Variants in DTL observed in about 807,000 individuals in gnomAD.
The protein encoded by DTL is denticleless protein homolog.
Under a neutral mutation model 87.0 loss-of-function variants are expected in DTL, and 46 were observed. The observed-to-expected ratio is 0.53, with a 90% CI of 0.42 to 0.68. DTL has a LOEUF of 0.68. Ranked by LOEUF, DTL falls within the 30% of genes least tolerant of loss-of-function variation. The pLI is 0.00. For synonymous variants in DTL, 308 were observed against 311.2 expected (o/e 0.99, Z 0.11); for missense variants, 737 against 869.4 (o/e 0.85, Z 1.91).
chr1:212,077,708 G>T (rs1291921000), intron 11 of DTL: 1 of 153,708 alleles, frequency 6.5e-6, no homozygotes, highest in Admixed American at 6.5e-5. Context: ...AAATCTTCAG[G>T]TTTCACAGTT....
At chr1:212,088,882 T>C (rs970758470) in intron 13 of DTL, among the ~76,000 whole-genome samples, 1 of 152,024 alleles carries the variant, frequency 6.6e-6, no homozygotes, top group African/African-American at 2.4e-5. Context: ...AGGTCAGGAG[T>C]TCGGGACTAG....
At chr1:212,089,991 A>G (rs1655237136) in intron 13 of DTL, among the ~76,000 whole-genome samples, 1 of 152,170 alleles carries the variant, frequency 6.6e-6, no homozygotes, top group Non-Finnish European at 1.5e-5. Flanking sequence ...TGCAGTGACT[A>G]TTAACCTGCA....
At position 212,035,807 on chromosome 1, in the gene DTL, T is replaced by A; in HGVS notation, c.-84T>A. ...TTGGAGGCGATAACGATTTGTGTTG[T>A]GAGAGGCGCAAGCTGCGATTTCTGC... On this transcript the variant is annotated 5_prime_UTR_variant, in exon 1 of 15. Transcript: ENST00000366991. The A allele has an allele frequency of 7.3e-7, 1 of 1,362,392 alleles. No homozygotes were observed. Among genetic ancestry groups the A allele is most frequent in the Non-Finnish European group, 1.0e-6 (1 of 962,512 alleles). 84.4% of individuals were successfully genotyped at this position (1,362,392 alleles called of 1,614,324 possible). A position where few individuals can be genotyped will look rare whatever the true frequency, so the allele number is the denominator to read the frequency against.
intron 13 of DTL, among the ~76,000 whole-genome samples, chr1:212,085,806 G>A (rs369994758): frequency 2.0e-5 from 3 of 152,096 alleles, no homozygotes; most frequent in African/African-American, 7.2e-5. Context: ...TTGTGTTATG[G>A]TGTGAGTTAG....
intron 5 of DTL, among the ~76,000 whole-genome samples, chr1:212,053,695 C>G (rs1365638123): frequency 6.6e-6 from 1 of 152,146 alleles, no homozygotes; most frequent in African/African-American, 2.4e-5. Context: ...AAGTGATCCT[C>G]CCACCTCAGC....
intron 5 of DTL, among the ~76,000 whole-genome samples, chr1:212,050,535 TA>T (rs34475155): frequency 0.01 from 1,563 of 152,352 alleles, 11 homozygotes; most frequent in Middle Eastern, 0.02. Flanking sequence ...TCTCAAGTTT[TA>T]ATTAAATGAG....
rs775525683 is a variant in DTL at position 212,100,834 on chromosome 1, G to A, written c.1844G>A (p.Gly615Asp). Residue 615 changes from glycine (G) to aspartate (D), a missense_variant, in exon 14 of 15, where the codon GGT (glycine) becomes GAT (aspartate). Gly to Asp is a moderately conservative substitution (Grantham distance 94). Transcript: ENST00000366991. Reference sequence around the variant, plus strand: ...AAATCAAGCAAAATTGAAGGAGCTGGTACCAGTATCTCAGAGCCTCCGTCT... The same window carrying A: ...AAATCAAGCAAAATTGAAGGAGCTGATACCAGTATCTCAGAGCCTCCGTCT... Reference protein sequence around the residue: ...PTKSSKIEGAGTSISEPPSPI... With the variant: ...PTKSSKIEGADTSISEPPSPI... 8 of 1,614,006 alleles carry A rather than the reference G, an allele frequency of 5.0e-6. No homozygotes were observed. The South Asian group carries it at 7.7e-5, about 16-fold the overall frequency.
chr1:212,085,117 C>T (rs1008162247), intron 13 of DTL, among the ~76,000 whole-genome samples: 6 of 152,060 alleles, frequency 3.9e-5, no homozygotes, highest in African/African-American at 1.2e-4. Context: ...CATCTTTTTT[C>T]GTGTTTTTGT....
At chr1:212,062,088 C>A (rs926477879) in intron 5 of DTL, among the ~76,000 whole-genome samples, 9 of 152,152 alleles carry the variant, frequency 5.9e-5, no homozygotes, top group African/African-American at 2.2e-4. Context: ...TCTATGCAGG[C>A]ATCAAAATAT....
chr1:212,047,416 A>G lies in DTL; in HGVS notation c.459A>G (p.Lys153=), dbSNP rs1571942376. Reference sequence around the variant, plus strand: ...CAGTTGCCTTTTCTAAGTTTGAGAAAGGTAGGTTTGTGCTTATCTTCTTTC... The same window carrying G: ...CAGTTGCCTTTTCTAAGTTTGAGAAGGGTAGGTTTGTGCTTATCTTCTTTC... The part of the protein sequence containing the change: ...LKSVAFSKFE[K]AVFCTGGRDG... The change falls in exon 5 of 15, where the codon AAA becomes AAG. Residue 153 remains lysine, a splice_region_variant and synonymous_variant. Coordinates refer to ENST00000366991, the MANE Select transcript of DTL (RefSeq NM_016448.4). 2 of 1,614,250 alleles carry G rather than the reference A, an allele frequency of 1.2e-6. No homozygotes were observed. The highest frequency in any genetic ancestry group is 8.5e-7 in the Non-Finnish European group (1 of 1,180,042).
intron 11 of DTL, chr1:212,077,496 A>T (rs1002839086): frequency 1.3e-5 from 2 of 152,556 alleles, no homozygotes; most frequent in Non-Finnish European, 2.9e-5. Flanking sequence ...GAGGAAAAAA[A>T]TGTTTTTCAG....
chr1:212,040,731 A>G (rs565598087), intron 1 of DTL, among the ~76,000 whole-genome samples: 1 of 152,358 alleles, frequency 6.6e-6, no homozygotes, highest in Middle Eastern at 3.4e-3. Context: ...ACTATGTGAC[A>G]GACACAGCAG....
chr1:212,084,812 G>T (rs1655082220), intron 13 of DTL, among the ~76,000 whole-genome samples: 1 of 152,042 alleles, frequency 6.6e-6, no homozygotes, highest in South Asian at 2.1e-4. Context: ...CATGATTTTG[G>T]TTAAATCAAG....
intron 5 of DTL, among the ~76,000 whole-genome samples, chr1:212,059,779 CAAAAA>C (rs58890148): frequency 7.5e-5 from 6 of 80,222 alleles, no homozygotes; most frequent in African/African-American, 9.6e-5. Flanking sequence ...AAAGACTCTA[CAAAAA>C]AAAAAAAAAA....
chr1:212,058,795 GACTA>G (rs1346050115), intron 5 of DTL, among the ~76,000 whole-genome samples: 1 of 151,678 alleles, frequency 6.6e-6, no homozygotes, highest in Admixed American at 6.6e-5. Flanking sequence ...GTACTTGCTA[GACTA>G]ACCACGAAAA....
chr1:212,078,255 T>A lies in DTL; in HGVS notation c.1118T>A (p.Phe373Tyr). ...VTSVCWCPSD[F>Y]TKIATCSDDN... ...TCTGTGTGCTGGTGTCCATCTGACTTCACAAAGGTTTGTAAATGAATCTCT... is the reference window on the plus strand; with the variant it reads ...TCTGTGTGCTGGTGTCCATCTGACTACACAAAGGTTTGTAAATGAATCTCT... The change falls in exon 12 of 15, where the codon TTC (phenylalanine) becomes TAC (tyrosine). Residue 373 changes from phenylalanine (F) to tyrosine (Y), a missense_variant. Coordinates refer to ENST00000366991, the MANE Select transcript of DTL (RefSeq NM_016448.4). The A allele has an allele frequency of 1.3e-6, 2 of 1,597,898 alleles. 1 individual carries two copies.
chr1:212,058,834 A>G (rs1207357297), intron 5 of DTL, among the ~76,000 whole-genome samples: 2 of 152,134 alleles, frequency 1.3e-5, no homozygotes, highest in Non-Finnish European at 2.9e-5. Flanking sequence ...CTTAAATAAA[A>G]TCAGAAATGA....
chr1:212,103,771 G>GT lies in DTL; in HGVS notation c.*834dup, dbSNP rs1423494824. ...AGATGTTTTATGAAATCAATTTGGG[G>GT]TTTGAATTCAGGTGCAGTCATCAGT... On this transcript the variant is annotated 3_prime_UTR_variant, in exon 15 of 15. Transcript: ENST00000366991. 1 of 152,094 alleles carries GT rather than the reference G, an allele frequency of 6.6e-6. No homozygotes were observed. The highest frequency in any genetic ancestry group is 6.5e-5 in the Admixed American group (1 of 15,268). 9.4% of individuals were successfully genotyped at this position (152,094 alleles called of 1,614,324 possible).
At chr1:212,072,416 G>A (rs889584580) in intron 11 of DTL, among the ~76,000 whole-genome samples, 5 of 152,212 alleles carry the variant, frequency 3.3e-5, no homozygotes, top group African/African-American at 1.2e-4. Context: ...GCCATAGCTT[G>A]TCAGAAATTG....
Sources: gnomAD v4.1 joint callset for allele counts (sites outside exome capture counted in the v4.1 genomes callset) on GRCh38, gnomAD v4.1.1 for gene constraint, MANE v1.5 for transcripts, NCBI Gene and HGNC (gene_info 2026-07-23, HGNC 2026-07-21) for gene names.